The following SENP6 variants were observed in gnomAD, a reference collection of about 807,000 sequenced individuals.
SENP6 encodes the protein sentrin-specific protease 6.
In SENP6, 41 loss-of-function variants were observed where a neutral mutation model predicts 134.5. The ratio of observed to expected loss-of-function variants is 0.30; its 90% CI spans 0.24 to 0.40. The LOEUF (loss-of-function observed/expected upper bound fraction) is 0.40. Among genes scored for constraint, SENP6 ranks in the 10% least tolerant of loss-of-function variants. The pLI, the probability that SENP6 is intolerant of heterozygous loss-of-function variation, is 1.00. For missense variants in SENP6, 1,248 were observed against 1,312.5 expected (o/e 0.95, Z 0.76); for synonymous variants, 395 against 429.8 (o/e 0.92, Z 1.00).
At chr6:75,669,342 C>T (rs1418072247) in intron 10 of SENP6, among the ~76,000 whole-genome samples, 2 of 151,876 alleles carry the variant, frequency 1.3e-5, no homozygotes, top group Admixed American at 6.6e-5. Flanking sequence ...TGCGACAGAG[C>T]GAGACTCCAT....
intron 18 of SENP6, chr6:75,697,953 G>A (rs1022749866): frequency 1.3e-5 from 2 of 154,864 alleles, no homozygotes; most frequent in African/African-American, 4.8e-5. Flanking sequence ...AAAACCATGT[G>A]GACTACTTGA....
At chr6:75,644,734 C>T (rs1770302289) in intron 6 of SENP6, among the ~76,000 whole-genome samples, 1 of 152,216 alleles carries the variant, frequency 6.6e-6, no homozygotes, top group African/African-American at 2.4e-5. Context: ...ATCTGACGGC[C>T]TTGGCCTCCC....
chr6:75,610,037 T>C (rs1442243214), intron 1 of SENP6, among the ~76,000 whole-genome samples: 2 of 152,148 alleles, frequency 1.3e-5, no homozygotes, highest in African/African-American at 4.8e-5. Flanking sequence ...ATCCACCTAC[T>C]TCAGCCTCCC....
chr6:75,626,364 T>A (rs1002396822), intron 3 of SENP6, among the ~76,000 whole-genome samples: 2 of 151,950 alleles, frequency 1.3e-5, no homozygotes, highest in African/African-American at 4.8e-5. Context: ...TATGTAAGCA[T>A]ATACCACTTT....
At chr6:75,685,967 G>A (rs1161213044) in intron 16 of SENP6, among the ~76,000 whole-genome samples, 4 of 152,116 alleles carry the variant, frequency 2.6e-5, no homozygotes, top group Non-Finnish European at 4.4e-5. Context: ...TTTCTGTCTC[G>A]TTGATCTGTC....
At chr6:75,656,925 T>C (rs2149858492) in intron 7 of SENP6, among the ~76,000 whole-genome samples, 1 of 152,296 alleles carries the variant, frequency 6.6e-6, no homozygotes, top group East Asian at 1.9e-4. Context: ...TTTGTTATGA[T>C]GGTAGAGAAA....
Position 75,634,789 on chromosome 6 carries a change from G to A in SENP6, c.436G>A (p.Val146Ile). 1 of 1,602,112 alleles carries A rather than the reference G, an allele frequency of 6.2e-7. No homozygotes were observed. Among genetic ancestry groups the A allele is most frequent in the Non-Finnish European group, 8.5e-7 (1 of 1,176,140 alleles). Residue 146 changes from valine (V) to isoleucine (I), a missense_variant, in exon 5 of 24, where the codon GTA becomes ATA. This residue lies in a region of SENP6 where 733 missense variants were observed against 725.4 expected (regional missense o/e 1.01). Transcript: ENST00000447266. ...TCATCATGCTCATGCACAGATACCA[G>A]TAGTAAAAACAGCAGCCCAAAGGTA... ...RFHHAHAQIP[V>I]VKTAAQSSLD... is the part of the protein sequence containing the mutation.
chr6:75,697,632 G>A (rs758448377), intron 18 of SENP6, 115 bp downstream of exon 18: 7 of 698,806 alleles, frequency 1.0e-5, no homozygotes, highest in East Asian at 2.7e-5. Flanking sequence ...GAAATCTCTT[G>A]TGTATATTCA....
intron 10 of SENP6, among the ~76,000 whole-genome samples, chr6:75,668,717 A>T (rs1435863464): frequency 1.3e-5 from 2 of 152,228 alleles, no homozygotes; most frequent in Non-Finnish European, 2.9e-5. Flanking sequence ...TTTGAAGAAT[A>T]GTTTGCTATC....
chr6:75,636,793 G>A (rs1769550793), intron 5 of SENP6, among the ~76,000 whole-genome samples: 1 of 151,986 alleles, frequency 6.6e-6, no homozygotes, highest in African/African-American at 2.4e-5. Context: ...CAGGGATTTA[G>A]CACAATTGTT....
intron 13 of SENP6, 91 bp downstream of exon 13, chr6:75,676,145 G>T: frequency 4.0e-6 from 3 of 758,684 alleles, no homozygotes; most frequent in Admixed American, 6.8e-5. Context: ...CACTTTGACA[G>T]ATGCCTTAGG....
At chr6:75,695,539 C>G (rs1362074802) in intron 16 of SENP6, among the ~76,000 whole-genome samples, 1 of 152,066 alleles carries the variant, frequency 6.6e-6, no homozygotes, top group Non-Finnish European at 1.5e-5. Context: ...GAGTTCGAGA[C>G]CAGCCTGACC....
intron 20 of SENP6, among the ~76,000 whole-genome samples, chr6:75,709,922 C>A (rs773191480): frequency 6.6e-6 from 1 of 152,128 alleles, no homozygotes; most frequent in Non-Finnish European, 1.5e-5. Context: ...AAAACAAATT[C>A]AGCTTTCAAG....
intron 11 of SENP6, among the ~76,000 whole-genome samples, chr6:75,671,982 AAG>A (rs1772716263): frequency 2.6e-5 from 4 of 152,176 alleles, no homozygotes; most frequent in Non-Finnish European, 4.4e-5. Context: ...TTAAAAACTA[AAG>A]TTTCAGAAGT....
intron 7 of SENP6, among the ~76,000 whole-genome samples, chr6:75,658,446 T>A (rs1001700852): frequency 1.3e-5 from 2 of 152,108 alleles, no homozygotes; most frequent in Non-Finnish European, 2.9e-5. Flanking sequence ...GTTATTTTGG[T>A]TTACAGATTC....
chr6:75,616,988 A>G (rs377662361), intron 1 of SENP6, among the ~76,000 whole-genome samples: 15 of 151,852 alleles, frequency 9.9e-5, no homozygotes, highest in African/African-American at 3.6e-4. Flanking sequence ...CAATCCTCCT[A>G]TCCCAGTCTC....
At chr6:75,715,020 A>C (rs1775952835) in intron 23 of SENP6, among the ~76,000 whole-genome samples, 1 of 152,224 alleles carries the variant, frequency 6.6e-6, no homozygotes, top group Non-Finnish European at 1.5e-5. Context: ...TAGTAAATAC[A>C]TTAGGCTTTG....
At chr6:75,611,953 A>T (rs1166336053) in intron 1 of SENP6, 1 of 152,222 alleles carries the variant, frequency 6.6e-6, no homozygotes, top group Non-Finnish European at 1.5e-5. Flanking sequence ...GAGGGGTCTA[A>T]TTTAATATTA....
At chr6:75,682,612 G>A (rs953220336) in intron 16 of SENP6, among the ~76,000 whole-genome samples, 2 of 152,002 alleles carry the variant, frequency 1.3e-5, no homozygotes, top group Non-Finnish European at 2.9e-5. Context: ...GTATCCAAGT[G>A]ATCTCATTGT....
Sources: gnomAD v4.1 joint callset for allele counts (sites outside exome capture counted in the v4.1 genomes callset) on GRCh38, gnomAD v4.1.1 for gene constraint, gnomAD v4.1.1 regional missense constraint, MANE v1.5 for transcripts, NCBI Gene and HGNC (gene_info 2026-07-23, HGNC 2026-07-21) for gene names.